The following TNKS variants were observed in gnomAD, a reference collection of about 807,000 sequenced individuals.
TNKS encodes tankyrase, also known as poly [ADP-ribose] polymerase tankyrase-1.
TNKS carries 72 observed loss-of-function variants against 135.8 expected under a neutral mutation model. That is an observed-to-expected ratio of 0.53 (90% confidence interval 0.44 to 0.64). TNKS has a LOEUF of 0.64. Among genes scored for constraint, TNKS ranks in the 30% least tolerant of loss-of-function variants. The probability of loss-of-function intolerance (pLI) is 0.00; values close to 1 mark genes in which losing one functional copy is unlikely to be tolerated. For missense variants in TNKS, 1,769 were observed against 1,674.0 expected, an observed-to-expected ratio of 1.06 and a Z score of -0.99; for synonymous variants, 849 against 649.3, an observed-to-expected ratio of 1.31 and a Z score of -4.68.
At chr8:9,631,812 T>C (rs987046242) in intron 3 of TNKS, among the ~76,000 whole-genome samples, 2 of 152,024 alleles carry the variant, frequency 1.3e-5, no homozygotes, top group African/African-American at 4.8e-5. Context: ...AATTTCAACA[T>C]GAATCCAGCA....
chr8:9,653,039 G>C (rs1269049002), intron 3 of TNKS, among the ~76,000 whole-genome samples: 2 of 152,156 alleles, frequency 1.3e-5, no homozygotes, highest in Non-Finnish European at 2.9e-5. Flanking sequence ...CGTTGCTAGA[G>C]GGTTTCATGC....
chr8:9,741,623 A>G (rs1254983429), intron 17 of TNKS: 2 of 463,604 alleles, frequency 4.3e-6, no homozygotes, highest in Admixed American at 4.1e-5. Context: ...AAGGAAAGTT[A>G]ATTTATAAAC....
chr8:9,670,164 A>C (rs918767375), intron 3 of TNKS: 1 of 152,222 alleles, frequency 6.6e-6, no homozygotes, highest in African/African-American at 2.4e-5. Flanking sequence ...GAAAATGTTT[A>C]TTATGATTTC....
At chr8:9,571,936 A>G (rs1797773356) in intron 1 of TNKS, among the ~76,000 whole-genome samples, 1 of 152,142 alleles carries the variant, frequency 6.6e-6, no homozygotes, top group African/African-American at 2.4e-5. Flanking sequence ...TATTCCTTAG[A>G]TCTTAGCTCA....
intron 3 of TNKS, among the ~76,000 whole-genome samples, chr8:9,635,724 G>A (rs543397394): frequency 6.6e-6 from 1 of 152,218 alleles, no homozygotes; most frequent in South Asian, 2.1e-4. Context: ...TTCTGGCTAG[G>A]GAGGCATGAC....
chr8:9,594,261 A>G (rs181475659), intron 2 of TNKS, among the ~76,000 whole-genome samples: 1 of 152,218 alleles, frequency 6.6e-6, no homozygotes, highest in East Asian at 1.9e-4. Flanking sequence ...CATTATTAGA[A>G]GTGATAGTTG....
At chr8:9,699,477 C>T (rs969477613) in intron 5 of TNKS, among the ~76,000 whole-genome samples, 1 of 151,980 alleles carries the variant, frequency 6.6e-6, no homozygotes. Context: ...CTCAATTTGT[C>T]TGTTCTTTTT....
Position 9,763,139 on chromosome 8 carries a change from T to A in TNKS, c.3275-8T>A. Reference sequence around the variant, plus strand: ...TTTGTTTTATATGTTAATTTTTCTCTCCGACAGGCACCAATCCTTATTTGA... The same window carrying A: ...TTTGTTTTATATGTTAATTTTTCTCACCGACAGGCACCAATCCTTATTTGA... On this transcript the variant is annotated splice_region_variant and splice_polypyrimidine_tract_variant and intron_variant, in intron 21 of 26. Coordinates refer to ENST00000310430, the MANE Select transcript of TNKS (RefSeq NM_003747.3). The A allele has an allele frequency of 6.5e-7, 1 of 1,544,608 alleles. No individual in the cohort carries two copies. Among genetic ancestry groups the A allele is most frequent in the Non-Finnish European group, 8.8e-7 (1 of 1,133,002 alleles).
intron 5 of TNKS, among the ~76,000 whole-genome samples, chr8:9,699,526 C>T (rs1469037813): frequency 6.6e-6 from 1 of 152,038 alleles, no homozygotes; most frequent in Non-Finnish European, 1.5e-5. Flanking sequence ...TTATTGCATG[C>T]ATTTTATTTA....
chr8:9,741,737 T>C (rs753712632), intron 17 of TNKS: 2 of 529,832 alleles, frequency 3.8e-6, no homozygotes, highest in South Asian at 1.4e-5. Flanking sequence ...AGTGGTTCTC[T>C]TGTGGCTCAA....
intron 1 of TNKS, among the ~76,000 whole-genome samples, chr8:9,565,341 C>T (rs77858040): frequency 0.011 from 1,709 of 151,894 alleles, 29 homozygotes; most frequent in African/African-American, 0.038. Context: ...TTTCTCTATC[C>T]CTTTTGCCTT....
intron 3 of TNKS, among the ~76,000 whole-genome samples, chr8:9,617,855 A>G (rs1799701879): frequency 6.6e-6 from 1 of 152,128 alleles, no homozygotes; most frequent in African/African-American, 2.4e-5. Context: ...TTAGGAATTT[A>G]CTTGCTGCAA....
rs755558121 is a variant in TNKS, at chr8:9,556,237, G to C, written c.298G>C (p.Ala100Pro). 1.2e-6 allele frequency: 2 copies of C among 1,614,188 alleles called. No homozygotes were observed. The highest frequency in any genetic ancestry group is 1.7e-6 in the Non-Finnish European group (2 of 1,180,038). Residue 100 changes from alanine (A) to proline (P), a missense_variant, in exon 1 of 27, where the codon GCC becomes CCC. By Grantham distance (27) the Ala-to-Pro change is conservative. Coordinates refer to ENST00000310430, the MANE Select transcript of TNKS (RefSeq NM_003747.3). The stretch of plus-strand genomic sequence containing the variant: ...TACCACCAGCACAATCTGTACCGTC[G>C]CCGCCGCTCCCGTGGTCCCAGCGGT... ...CSTTSTICTV[A>P]AAPVVPAVST...
At chr8:9,685,922 T>C (rs1802976933) in intron 5 of TNKS, among the ~76,000 whole-genome samples, 1 of 152,228 alleles carries the variant, frequency 6.6e-6, no homozygotes, top group Non-Finnish European at 1.5e-5. Flanking sequence ...TTTCTCATTA[T>C]TCTTGATCAG....
chr8:9,557,501 A>G (rs1439520443), intron 1 of TNKS: 2 of 151,964 alleles, frequency 1.3e-5, no homozygotes, highest in East Asian at 1.9e-4. Flanking sequence ...AAGGACCATA[A>G]TCTCACTGCC....
At chr8:9,635,176 A>G (rs1197948293) in intron 3 of TNKS, among the ~76,000 whole-genome samples, 1 of 150,788 alleles carries the variant, frequency 6.6e-6, no homozygotes, top group African/African-American at 2.5e-5. Flanking sequence ...TCTCGGGGAA[A>G]AAAAAAAAAA....
intron 11 of TNKS, among the ~76,000 whole-genome samples, chr8:9,719,334 C>T (rs1383185484): frequency 2.6e-5 from 4 of 152,018 alleles, no homozygotes; most frequent in Non-Finnish European, 5.9e-5. Flanking sequence ...CAAATATTTT[C>T]AATAATCAAC....
Position 9,766,249 on chromosome 8 carries a change from C to A in TNKS, c.3564C>A (p.Phe1188Leu). Reference sequence around the variant, plus strand: ...TCTTCGTATTTCTAGGTTCTCCTTTCATTAATGCCATTATTCATAAAGGGT... The same window carrying A: ...TCTTCGTATTTCTAGGTTCTCCTTTAATTAATGCCATTATTCATAAAGGGT... ...NERMLFHGSP[F>L]INAIIHKGFD... is the part of the protein sequence containing the mutation. Residue 1188 changes from phenylalanine (F) to leucine (L), a missense_variant, in exon 25 of 27, where the codon TTC (phenylalanine) becomes TTA (leucine). Around this residue, in one of 5 missense-constraint regions of TNKS, gnomAD observed 722 missense variants for 688.9 expected, o/e 1.05. Coordinates refer to ENST00000310430, the MANE Select transcript of TNKS (RefSeq NM_003747.3). 1 of 1,602,480 alleles carries A rather than the reference C, an allele frequency of 6.2e-7. No homozygotes were observed. Among genetic ancestry groups the A allele is most frequent in the Non-Finnish European group, 8.5e-7 (1 of 1,173,584 alleles).
intron 2 of TNKS, among the ~76,000 whole-genome samples, chr8:9,605,117 C>G (rs145029970): frequency 6.6e-6 from 1 of 152,156 alleles, no homozygotes; most frequent in East Asian, 1.9e-4. Context: ...CCACTCTAAT[C>G]AAAATAATAC....
Sources: allele counts gnomAD v4.1 joint callset (sites outside exome capture counted in the v4.1 genomes callset), GRCh38; gene constraint gnomAD v4.1.1; regional missense constraint gnomAD v4.1.1; transcripts MANE v1.5; gene names NCBI Gene and HGNC (gene_info 2026-07-23, HGNC 2026-07-21).